ZNF438: variants seen among roughly 807,000 people sequenced by gnomAD.
ZNF438 encodes the protein zinc finger protein 438.
Under a neutral mutation model 38.0 loss-of-function variants are expected in ZNF438, and 25 were observed. The ratio of observed to expected loss-of-function variants is 0.66; its 90% CI spans 0.48 to 0.92. The LOEUF (loss-of-function observed/expected upper bound fraction) is 0.92, where lower values mean the gene tolerates loss of function less well. Ranked by LOEUF, ZNF438 falls within the 40% of genes least tolerant of loss-of-function variation. ZNF438 has a pLI of 0.00. For missense variants in ZNF438, 1,007 were observed against 999.6 expected, an observed-to-expected ratio of 1.01 and a Z score of -0.10; for synonymous variants, 372 against 364.1, an observed-to-expected ratio of 1.02 and a Z score of -0.25.
Position 30,960,410 on chromosome 10 carries a change from C to T in ZNF438, c.-191-18759G>A, listed in dbSNP as rs1459227588. On this transcript the variant is annotated intron_variant, in intron 1 of 5. Coordinates refer to ENST00000413025, the Ensembl canonical transcript of ZNF438. ...AGAAGTTTTATAATTTTAGCTCTTACATTTAGGCCCCTAATTCATTGTCAG... is the reference window on the plus strand; with the variant it reads ...AGAAGTTTTATAATTTTAGCTCTTATATTTAGGCCCCTAATTCATTGTCAG... Among the ~76,000 whole-genome samples, 4 of 147,246 alleles carry T rather than the reference C, an allele frequency of 2.7e-5. 1 individual carries two copies. The highest frequency in any genetic ancestry group is 9.7e-5 in the African/African-American group (4 of 41,126).
At chr10:30,888,722 T>C (rs929239650) in intron 3 of ZNF438, among the ~76,000 whole-genome samples, 7 of 152,246 alleles carry the variant, frequency 4.6e-5, no homozygotes, top group Non-Finnish European at 1.0e-4. Context: ...TTTTTATGGC[T>C]GCATCGTATT....
chr10:30,969,168 T>G (rs543007104), intron 1 of ZNF438, among the ~76,000 whole-genome samples: 1 of 151,712 alleles, frequency 6.6e-6, no homozygotes, highest in Non-Finnish European at 1.5e-5. Flanking sequence ...TAAAAGAATA[T>G]GGAGATGACG....
In ZNF438 at chr10:30,847,582, AAC is replaced by A. The variant is rs368219612; in HGVS notation, c.1874+947_1874+948del. ...GAGAGCTGTAACACAAACAGGCTGA[AAC>A]ACGCCTCTTGCTTGCCACACAGCAG... On this transcript the variant is annotated intron_variant, in intron 5 of 5. Coordinates refer to ENST00000413025, the Ensembl canonical transcript of ZNF438. 4.6e-3 allele frequency among the ~76,000 whole-genome samples: 691 copies of A among 151,370 alleles called. 6 individuals carry two copies. The highest frequency in any genetic ancestry group is 0.016 in the African/African-American group (669 of 41,322).
chr10:30,941,381 T>A (rs2046808750), intron 2 of ZNF438, among the ~76,000 whole-genome samples, 194 bp downstream of exon 3: 1 of 152,186 alleles, frequency 6.6e-6, no homozygotes, highest in Non-Finnish European at 1.5e-5. Context: ...CAGAACATTT[T>A]ATTTTTATAA....
chr10:31,005,429 T>C (rs1018488968), intron 1 of ZNF438, among the ~76,000 whole-genome samples: 1 of 152,156 alleles, frequency 6.6e-6, no homozygotes, highest in African/African-American at 2.4e-5. Flanking sequence ...ATTTCACTTA[T>C]ATGTGGAATC....
intron 3 of ZNF438, among the ~76,000 whole-genome samples, chr10:30,899,029 C>T (rs532187540): frequency 9.5e-4 from 144 of 152,118 alleles, no homozygotes; most frequent in African/African-American, 3.3e-3. Context: ...GTTAAGGTCC[C>T]GTTATTCTAT....
intron 2 of ZNF438, among the ~76,000 whole-genome samples, chr10:30,911,997 A>G (rs1021786275): frequency 6.6e-6 from 1 of 152,078 alleles, no homozygotes; most frequent in Non-Finnish European, 1.5e-5. Context: ...TCTCTTGTTT[A>G]TATATTCAAC....
chr10:30,935,826 A>T (rs1393560402), intron 2 of ZNF438, among the ~76,000 whole-genome samples: 1 of 152,154 alleles, frequency 6.6e-6, no homozygotes, highest in Non-Finnish European at 1.5e-5. Flanking sequence ...TAAAACCATC[A>T]GATCTTGTGA....
chr10:30,845,076 A>AG lies in ZNF438; in HGVS notation c.2371dup (p.Leu791ProfsTer10), dbSNP rs1391069176. ...ATGCTGGTGCTTCCAGTGGTGGAGG[A>AG]GGTCCTCTTTCCGTCCCAGCATCTC... On this transcript the variant is annotated frameshift_variant, in exon 6 of 6. Transcript: ENST00000413025. LOFTEE classifies it low-confidence loss of function (END_TRUNC). 6.8e-6 allele frequency: 11 copies of AG among 1,614,012 alleles called. No individual in the cohort carries two copies. The highest frequency in any genetic ancestry group is 1.3e-5 in the African/African-American group (1 of 74,902).
intron 3 of ZNF438, among the ~76,000 whole-genome samples, chr10:30,881,237 A>C (rs1001293807): frequency 9.9e-5 from 15 of 152,194 alleles, no homozygotes; most frequent in African/African-American, 3.6e-4. Context: ...TAGAAAATTC[A>C]ATAGAATCTA....
At chr10:30,909,361 G>T (rs2042870595) in intron 2 of ZNF438, among the ~76,000 whole-genome samples, 1 of 151,992 alleles carries the variant, frequency 6.6e-6, no homozygotes, top group Admixed American at 6.5e-5. Flanking sequence ...TTCTACTATG[G>T]AATCATGGCC....
chr10:30,946,904 T>C (rs79282129), intron 1 of ZNF438, among the ~76,000 whole-genome samples: 12,079 of 152,304 alleles, frequency 0.079, 573 homozygotes, highest in Non-Finnish European at 0.11. Flanking sequence ...TTAGTGATTG[T>C]GCTCGTGTTT....
At chr10:30,862,333 G>T (rs573868373) in intron 4 of ZNF438, among the ~76,000 whole-genome samples, 4 of 151,948 alleles carry the variant, frequency 2.6e-5, no homozygotes, top group African/African-American at 9.7e-5. Flanking sequence ...ACAGGGACTC[G>T]CTCTATCACC....
At chr10:30,980,067 T>C (rs1030507403) in intron 1 of ZNF438, among the ~76,000 whole-genome samples, 1 of 151,964 alleles carries the variant, frequency 6.6e-6, no homozygotes, top group Non-Finnish European at 1.5e-5. Flanking sequence ...TGATTACAAA[T>C]GGACTTGGGA....
At chr10:30,858,403 A>G (rs1369355967) in intron 4 of ZNF438, among the ~76,000 whole-genome samples, 1 of 152,208 alleles carries the variant, frequency 6.6e-6, no homozygotes, top group Non-Finnish European at 1.5e-5. Context: ...GCAATGTCTC[A>G]TAACACAAGG....
chr10:30,897,415 G>C (rs1349149949), intron 3 of ZNF438, among the ~76,000 whole-genome samples: 2 of 152,212 alleles, frequency 1.3e-5, no homozygotes, highest in Non-Finnish European at 2.9e-5. Flanking sequence ...ATCTTGTTCA[G>C]AAGGCCATCT....
intron 4 of ZNF438, among the ~76,000 whole-genome samples, chr10:30,853,913 T>C (rs1168313747): frequency 6.6e-6 from 1 of 152,082 alleles, no homozygotes; most frequent in Non-Finnish European, 1.5e-5. Context: ...GGGAACTGCT[T>C]AAACCTGGGA....
At position 30,875,499 on chromosome 10, in the gene ZNF438, C is replaced by T. The variant is rs557433880; in HGVS notation, c.37+1499G>A. The T allele has an allele frequency of 3.0e-6, 3 of 985,396 alleles. No individual in the cohort carries two copies. In the South Asian group the frequency reaches 1.4e-4, roughly 46 times the overall value. The allele number at this position is 985,396 out of a possible 1,614,324, so 61.0% of individuals were successfully genotyped here. ...TTCCATTATTTTTTCTCCTAAGCTT[C>T]TCCTTGCTTGCTTGGATAAAAAAAG... On this transcript the variant is annotated intron_variant, in intron 4 of 5. Transcript: ENST00000413025.
At chr10:30,850,412 CT>C in intron 4 of ZNF438, 45 bp from the exon 6 acceptor site, 1 of 1,557,668 alleles carries the variant, frequency 6.4e-7, no homozygotes, top group Non-Finnish European at 8.7e-7. Context: ...TGTAACTGTT[CT>C]GTTAGTGATA....
Sources: allele counts gnomAD v4.1 joint callset (sites outside exome capture counted in the v4.1 genomes callset), GRCh38; gene constraint gnomAD v4.1.1; transcripts MANE v1.5; gene names NCBI Gene and HGNC (gene_info 2026-07-23, HGNC 2026-07-21).